HLCS: variants seen among roughly 807,000 people sequenced by gnomAD.
HLCS encodes holocarboxylase synthetase, also known as biotin--protein ligase.
In HLCS, 53 loss-of-function variants were observed where a neutral mutation model predicts 75.0. The ratio of observed to expected loss-of-function variants is 0.71; its 90% confidence interval spans 0.57 to 0.89. The LOEUF (loss-of-function observed/expected upper bound fraction) is 0.89. HLCS is among the 40% of genes least tolerant of loss of function. The pLI is 0.00. For missense variants in HLCS, 966 were observed against 1,074.0 expected (o/e 0.90, Z 1.41); for synonymous variants, 431 against 428.6 (o/e 1.01, Z -0.07).
chr21:36,767,370 C>A, intron 6 of HLCS, 85 bp from the exon 7 acceptor site: 1 of 1,332,804 alleles, frequency 7.5e-7, no homozygotes, highest in African/African-American at 1.4e-5. Flanking sequence ...ACAGGGTTTG[C>A]ATGCATCTGG....
At chr21:36,785,618 C>T (rs1292508907) in intron 6 of HLCS, among the ~76,000 whole-genome samples, 1 of 152,208 alleles carries the variant, frequency 6.6e-6, no homozygotes, top group African/African-American at 2.4e-5. Context: ...ACTACAATAT[C>T]ATCCACAGAT....
chr21:36,903,171 T>A (rs2065309677), intron 5 of HLCS, among the ~76,000 whole-genome samples: 1 of 152,182 alleles, frequency 6.6e-6, no homozygotes, highest in Non-Finnish European at 1.5e-5. Flanking sequence ...CCTATCACAG[T>A]ACTAATTTTC....
intron 8 of HLCS, among the ~76,000 whole-genome samples, chr21:36,761,077 C>G (rs981860741): frequency 2.0e-5 from 3 of 152,212 alleles, no homozygotes; most frequent in Non-Finnish European, 2.9e-5. Flanking sequence ...ACGTTGCAGG[C>G]CGGGCATGGC....
chr21:36,845,910 C>T (rs1015499236), intron 6 of HLCS, among the ~76,000 whole-genome samples: 4 of 152,150 alleles, frequency 2.6e-5, no homozygotes, highest in African/African-American at 9.7e-5. Context: ...CACTCAACTG[C>T]TCTCTTTATA....
At chr21:36,874,770 T>G (rs940080300) in intron 6 of HLCS, among the ~76,000 whole-genome samples, 1 of 152,118 alleles carries the variant, frequency 6.6e-6, no homozygotes, top group Non-Finnish European at 1.5e-5. Context: ...GCGGGAGCCC[T>G]GCCCCCTACC....
chr21:36,896,359 A>G (rs1292853297), intron 6 of HLCS, among the ~76,000 whole-genome samples: 2 of 152,220 alleles, frequency 1.3e-5, no homozygotes, highest in Non-Finnish European at 2.9e-5. Flanking sequence ...CAATCAATCA[A>G]TCAATGAATA....
intron 5 of HLCS, among the ~76,000 whole-genome samples, chr21:36,923,425 C>T (rs1317238445): frequency 6.6e-6 from 1 of 152,142 alleles, no homozygotes; most frequent in African/African-American, 2.4e-5. Context: ...GCTTCTTAGA[C>T]GGGATGCTAT....
chr21:36,756,575 A>C lies in HLCS; in HGVS notation c.2417T>G (p.Val806Gly). ...KEFQDKGPNS[V>G]LPLYYRYWVH... The stretch of plus-strand genomic sequence containing the variant: ...CCAGTATCGGTAATAAAGGGGAAGG[A>C]CGCTGTTGGGCCCTTTGTCCTGAAA... The change falls in exon 10 of 11, where the codon GTC becomes GGC. Residue 806 changes from valine (V) to glycine (G), a missense_variant. Val to Gly is a moderately radical substitution (Grantham distance 109). Coordinates refer to ENST00000674895, the MANE Select transcript of HLCS (RefSeq NM_001352514.2). 6.2e-7 allele frequency: 1 copy of C among 1,612,954 alleles called. No homozygotes were observed. The highest frequency in any genetic ancestry group is 8.5e-7 in the Non-Finnish European group (1 of 1,179,440).
chr21:36,841,338 G>C (rs1319180793), intron 6 of HLCS, among the ~76,000 whole-genome samples: 1 of 152,192 alleles, frequency 6.6e-6, no homozygotes, highest in African/African-American at 2.4e-5. Context: ...TTTACAATGT[G>C]TGTCAAGATC....
intron 6 of HLCS, among the ~76,000 whole-genome samples, chr21:36,875,328 G>A (rs904136029): frequency 2.0e-5 from 3 of 152,152 alleles, no homozygotes; most frequent in South Asian, 2.1e-4. Context: ...TTGGCCATTC[G>A]GATGGTGCTT....
rs980272716 is a variant in HLCS, at chr21:36,749,210, A to G, written c.*5036T>C. The G allele has an allele frequency of 6.5e-6, 1 of 152,678 alleles. No individual in the cohort carries two copies. Among genetic ancestry groups the G allele is most frequent in the African/African-American group, 2.4e-5 (1 of 41,466 alleles). 9.5% of individuals were successfully genotyped at this position (152,678 alleles called of 1,614,324 possible). A position where few individuals can be genotyped will look rare whatever the true frequency, so the allele number is the denominator to read the frequency against. On this transcript the variant is annotated 3_prime_UTR_variant, in exon 11 of 11. Transcript: ENST00000674895. ...TTTTTACTTTTTATGGGTTTTGCTT[A>G]AAGATCTCAACATGGAAAAATCCTG... is the stretch of plus-strand genomic sequence containing the variant.
At chr21:36,844,068 TTCTC>T (rs1453402527) in intron 6 of HLCS, among the ~76,000 whole-genome samples, 2 of 152,206 alleles carry the variant, frequency 1.3e-5, no homozygotes, top group African/African-American at 4.8e-5. Flanking sequence ...AAATAGTTTC[TTCTC>T]AAAGTAAACA....
Position 36,896,951 on chromosome 21 carries a change from C to T in HLCS, c.1801G>A (p.Glu601Lys), listed in dbSNP as rs748214530. Residue 601 changes from glutamate (E) to lysine (K), a missense_variant, in exon 6 of 11, where the codon GAG (glutamate) becomes AAG (lysine). Glu to Lys is a moderately conservative substitution (Grantham distance 56, BLOSUM62 1). Transcript: ENST00000674895. ...EAFSSEHFNLEIYRQNLQTKQ... is the reference protein window; with the variant it reads ...EAFSSEHFNLKIYRQNLQTKQ... ...GTCTGCAGATTTTGGCGATAGATCT[C>T]TAAGTTGAAATGTTCTGATGAGAAG... 1 of 1,614,166 alleles carries T rather than the reference C, an allele frequency of 6.2e-7. No homozygotes were observed.
chr21:36,860,456 T>C (rs2063347812), intron 6 of HLCS, among the ~76,000 whole-genome samples: 1 of 152,214 alleles, frequency 6.6e-6, no homozygotes, highest in African/African-American at 2.4e-5. Flanking sequence ...CAGAGAAAGC[T>C]GCTGATGTTT....
At chr21:36,764,909 G>A (rs1050726448) in intron 8 of HLCS, 103 bp downstream of exon 8, 1 of 1,292,222 alleles carries the variant, frequency 7.7e-7, no homozygotes, top group Non-Finnish European at 1.1e-6. Flanking sequence ...AGGGTAGGCT[G>A]AGGTTCTACA....
intron 2 of HLCS, among the ~76,000 whole-genome samples, chr21:36,960,255 A>G (rs1452000845): frequency 6.6e-6 from 1 of 151,780 alleles, no homozygotes; most frequent in African/African-American, 2.4e-5. Context: ...TGCCAGGCCA[A>G]GTGGGTGGAA....
chr21:36,887,223 G>A (rs747439177), intron 6 of HLCS, among the ~76,000 whole-genome samples: 2 of 152,020 alleles, frequency 1.3e-5, no homozygotes, highest in Non-Finnish European at 2.9e-5. Context: ...CCTCCAGAAC[G>A]GTGAGAAACA....
intron 10 of HLCS, 68 bp downstream of exon 10, chr21:36,756,474 A>ATT: frequency 1.4e-6 from 1 of 706,152 alleles, no homozygotes; most frequent in Non-Finnish European, 2.4e-6. Context: ...AAAAAAAAAA[A>ATT]AAAAGATACA....
chr21:36,764,872 G>T, intron 8 of HLCS, 140 bp downstream of exon 8: 2 of 890,180 alleles, frequency 2.2e-6, no homozygotes, highest in South Asian at 1.4e-5. Flanking sequence ...TGAAAACTCC[G>T]AGAGCACTTT....
Sources: gnomAD v4.1 joint callset for allele counts (sites outside exome capture counted in the v4.1 genomes callset) on GRCh38, gnomAD v4.1.1 for gene constraint, MANE v1.5 for transcripts, NCBI Gene and HGNC (gene_info 2026-07-23, HGNC 2026-07-21) for gene names.